Variants in FBXO40 observed in about 807,000 individuals in gnomAD.
FBXO40 encodes the protein F-box only protein 40.
A neutral mutation model predicts 49.9 loss-of-function variants in FBXO40; 50 were observed. The ratio of observed to expected loss-of-function variants is 1.00; its 90% CI spans 0.80 to 1.27. FBXO40 has a LOEUF of 1.27. Among genes scored for constraint, FBXO40 ranks in the 50% most tolerant of loss-of-function variants. The pLI is 0.00. For missense variants in FBXO40, 895 were observed against 870.1 expected, an observed-to-expected ratio of 1.03 and a Z score of -0.36; for synonymous variants, 340 against 320.2, an observed-to-expected ratio of 1.06 and a Z score of -0.66.
intron 1 of FBXO40, among the ~76,000 whole-genome samples, chr3:121,616,918 C>G (rs2049000573): frequency 6.6e-6 from 1 of 152,142 alleles, no homozygotes; most frequent in Non-Finnish European, 1.5e-5. Context: ...CATAGAAAGA[C>G]ACGTATTGCA....
chr3:121,626,676 C>G lies in FBXO40; in HGVS notation c.1915-19C>G. Reference sequence around the variant, plus strand: ...TAACACCCCTATATTCACCTTTGAACTTCTATCTTTCTCAACAGATCTGGC... The same window carrying G: ...TAACACCCCTATATTCACCTTTGAAGTTCTATCTTTCTCAACAGATCTGGC... On this transcript the variant is annotated intron_variant, in intron 3 of 3. Transcript: ENST00000338040. 6.2e-7 allele frequency: 1 copy of G among 1,612,960 alleles called. No individual in the cohort carries two copies. The highest frequency in any genetic ancestry group is 8.5e-7 in the Non-Finnish European group (1 of 1,178,990).
chr3:121,616,111 T>C (rs1447614224), intron 1 of FBXO40, among the ~76,000 whole-genome samples: 1 of 152,178 alleles, frequency 6.6e-6, no homozygotes, highest in Non-Finnish European at 1.5e-5. Flanking sequence ...GTTCCTCTCC[T>C]TCTCTGGCTT....
At chr3:121,605,928 C>T (rs1052281502) in intron 1 of FBXO40, among the ~76,000 whole-genome samples, 1 of 152,164 alleles carries the variant, frequency 6.6e-6, no homozygotes, top group African/African-American at 2.4e-5. Flanking sequence ...AAGAGGACAT[C>T]GGCATAGTCC....
chr3:121,603,881 G>C (rs1251039326), intron 1 of FBXO40, among the ~76,000 whole-genome samples: 1 of 152,282 alleles, frequency 6.6e-6, no homozygotes, highest in East Asian at 1.9e-4. Context: ...ACCACACCCA[G>C]CTAATTTTTT....
In FBXO40 at chr3:121,626,906, C is replaced by G; in HGVS notation, c.2126C>G (p.Ser709Cys). The change falls in exon 4 of 4, where the codon TCC (serine) becomes TGC (cysteine). Residue 709 changes from serine to cysteine, a missense_variant. By Grantham distance (112) the Ser-to-Cys change is moderately radical. Coordinates refer to ENST00000338040, the MANE Select transcript of FBXO40 (RefSeq NM_016298.4). ...FRIRPRGRYV[S>C] ...ATCAGACCACGAGGAAGATACGTCT[C>G]CTAAAAATTCAGATGCCACTCGATG... is the stretch of plus-strand genomic sequence containing the variant. The G allele has an allele frequency of 6.2e-7, 1 of 1,614,064 alleles. No homozygotes were observed. The highest frequency in any genetic ancestry group is 8.5e-7 in the Non-Finnish European group (1 of 1,179,988).
At chr3:121,616,099 C>G (rs569875392) in intron 1 of FBXO40, among the ~76,000 whole-genome samples, 1 of 152,336 alleles carries the variant, frequency 6.6e-6, no homozygotes, top group Non-Finnish European at 1.5e-5. Flanking sequence ...CCACCCTGCT[C>G]TGTTCCTCTC....
rs755451725 is a variant in FBXO40, at chr3:121,622,059, G to A, written c.630G>A (p.Met210Ile). The change falls in exon 3 of 4, where the codon ATG (methionine) becomes ATA (isoleucine). Residue 210 changes from methionine (M) to isoleucine (I), a missense_variant. Met to Ile is a conservative substitution (Grantham distance 10). Coordinates refer to ENST00000338040, the MANE Select transcript of FBXO40 (RefSeq NM_016298.4). ...TGCTAGCCAAAACCAAAGAAGGGAT[G>A]GACCTGGTCAAGTTTGGCCAGTGGG... is the stretch of plus-strand genomic sequence containing the variant. Reference protein sequence around the residue: ...REVLAKTKEGMDLVKFGQWEN... With the variant: ...REVLAKTKEGIDLVKFGQWEN... 10 of 1,614,062 alleles carry A rather than the reference G, an allele frequency of 6.2e-6. No individual in the cohort carries two copies. The highest frequency in any genetic ancestry group is 8.5e-6 in the Non-Finnish European group (10 of 1,180,034).
At chr3:121,615,496 A>C (rs1405795703) in intron 1 of FBXO40, among the ~76,000 whole-genome samples, 1 of 150,510 alleles carries the variant, frequency 6.6e-6, no homozygotes. Flanking sequence ...TGGAGGTTGC[A>C]GTGAGCCAAG....
At chr3:121,606,270 T>C (rs2048931581) in intron 1 of FBXO40, among the ~76,000 whole-genome samples, 2 of 152,222 alleles carry the variant, frequency 1.3e-5, no homozygotes, top group African/African-American at 2.4e-5. Flanking sequence ...GTCAGAAGTG[T>C]AGACCTTCTA....
At chr3:121,599,705 C>CACATATATAT (rs1214125029) in intron 1 of FBXO40, among the ~76,000 whole-genome samples, 19 of 59,530 alleles carry the variant, frequency 3.2e-4, no homozygotes, top group African/African-American at 1.1e-3. Flanking sequence ...CACACACACA[C>CACATATATAT]ATATATATAT....
At chr3:121,620,936 G>A (rs999173273) in intron 2 of FBXO40, among the ~76,000 whole-genome samples, 34 of 152,316 alleles carry the variant, frequency 2.2e-4, no homozygotes, top group African/African-American at 7.5e-4. Flanking sequence ...ACCAGACATG[G>A]CTGCTGTCCT....
At chr3:121,602,499 A>G (rs1367199510) in intron 1 of FBXO40, among the ~76,000 whole-genome samples, 1 of 152,086 alleles carries the variant, frequency 6.6e-6, no homozygotes, top group African/African-American at 2.4e-5. Flanking sequence ...TTCCTTTTTT[A>G]CCATCCCAGC....
chr3:121,615,085 G>T (rs2048989883), intron 1 of FBXO40, among the ~76,000 whole-genome samples: 1 of 151,502 alleles, frequency 6.6e-6, no homozygotes, highest in South Asian at 2.1e-4. Flanking sequence ...TGTGCCTGTA[G>T]TCCCAGCTAC....
chr3:121,625,985 T>C (rs567497451), intron 3 of FBXO40, among the ~76,000 whole-genome samples: 2 of 152,366 alleles, frequency 1.3e-5, no homozygotes, highest in African/African-American at 4.8e-5. Flanking sequence ...TCAGAACTCA[T>C]AGAATTCTCC....
intron 1 of FBXO40, among the ~76,000 whole-genome samples, chr3:121,618,206 T>C (rs2049008940): frequency 6.6e-6 from 1 of 152,018 alleles, no homozygotes; most frequent in Non-Finnish European, 1.5e-5. Flanking sequence ...ATAACTATAC[T>C]AGACATTTTG....
At chr3:121,598,643 G>A (rs987721591) in intron 1 of FBXO40, among the ~76,000 whole-genome samples, 1 of 152,196 alleles carries the variant, frequency 6.6e-6, no homozygotes, top group Non-Finnish European at 1.5e-5. Context: ...ACTACACCGG[G>A]TGAGCAAGGA....
chr3:121,622,613 T>G lies in FBXO40; in HGVS notation c.1184T>G (p.Leu395Arg), dbSNP rs766068748. ...ITVEDLPKSD[L>R]IKTTLQCALE... Reference sequence around the variant, plus strand: ...GTGGAGGACCTGCCCAAATCAGATCTCATCAAGACCACCCTCCAGTGTGCT... The same window carrying G: ...GTGGAGGACCTGCCCAAATCAGATCGCATCAAGACCACCCTCCAGTGTGCT... Residue 395 changes from leucine (L) to arginine (R), a missense_variant, in exon 3 of 4, where the codon CTC becomes CGC. Physicochemically the swap from Leu to Arg is moderately radical, Grantham distance 102 (BLOSUM62 -2). Coordinates refer to ENST00000338040, the MANE Select transcript of FBXO40 (RefSeq NM_016298.4). 6.2e-7 allele frequency: 1 copy of G among 1,614,188 alleles called. No individual in the cohort carries two copies. Among genetic ancestry groups the G allele is most frequent in the Non-Finnish European group, 8.5e-7 (1 of 1,180,032 alleles).
chr3:121,597,005 C>T (rs1407180233), intron 1 of FBXO40, among the ~76,000 whole-genome samples: 1 of 152,110 alleles, frequency 6.6e-6, no homozygotes, highest in Non-Finnish European at 1.5e-5. Flanking sequence ...AGTATTATCA[C>T]CCTCTGTTGA....
At position 121,620,596 on chromosome 3, in the gene FBXO40, A is replaced by G; in HGVS notation, c.3+18A>G. On this transcript the variant is annotated intron_variant, in intron 2 of 3. Coordinates refer to ENST00000338040, the MANE Select transcript of FBXO40 (RefSeq NM_016298.4). ...GCGCCATGGTAAGCACCAGGAGCTT[A>G]TTGAAGCTTCACCATTGAGAGGTCC... 6.2e-7 allele frequency: 1 copy of G among 1,614,174 alleles called. No homozygotes were observed.
Sources: gnomAD v4.1 joint callset for allele counts (sites outside exome capture counted in the v4.1 genomes callset) on GRCh38, gnomAD v4.1.1 for gene constraint, MANE v1.5 for transcripts, NCBI Gene and HGNC (gene_info 2026-07-23, HGNC 2026-07-21) for gene names.